Variants in KCNJ6 observed in about 807,000 individuals in gnomAD.
The protein encoded by KCNJ6 is potassium inwardly rectifying channel subfamily J member 6, also known as G protein-activated inward rectifier potassium channel 2.
A neutral mutation model predicts 34.2 loss-of-function variants in KCNJ6; 9 were observed. That is an observed-to-expected ratio of 0.26 (90% CI 0.16 to 0.46). The LOEUF is 0.46. Among genes scored for constraint, KCNJ6 ranks in the 20% least tolerant of loss-of-function variants. The probability of loss-of-function intolerance (pLI) is 1.00; values close to 1 mark genes in which losing one functional copy is unlikely to be tolerated. For synonymous variants in KCNJ6, 196 were observed against 207.1 expected (o/e 0.95, Z 0.46); for missense variants, 236 against 531.3 (o/e 0.44, Z 5.46).
At chr21:37,736,520 T>A (rs776647301) in intron 2 of KCNJ6, among the ~76,000 whole-genome samples, 42 of 152,260 alleles carry the variant, frequency 2.8e-4, no homozygotes, top group Middle Eastern at 3.4e-3. Flanking sequence ...AGAAGTTGCT[T>A]TTGATGGTAA....
At chr21:37,773,591 T>C (rs1242244922) in intron 2 of KCNJ6, among the ~76,000 whole-genome samples, 2 of 152,094 alleles carry the variant, frequency 1.3e-5, no homozygotes, top group Admixed American at 1.3e-4. Context: ...GATGGAATTG[T>C]CGACTTCTGT....
intron 3 of KCNJ6, among the ~76,000 whole-genome samples, chr21:37,664,095 AAAG>A (rs2054502739): frequency 6.6e-6 from 1 of 152,248 alleles, no homozygotes; most frequent in Non-Finnish European, 1.5e-5. Context: ...GAAATAAAAT[AAAG>A]TTGAATCTAA....
chr21:37,816,631 G>T (rs150559474), intron 2 of KCNJ6, among the ~76,000 whole-genome samples: 1 of 152,188 alleles, frequency 6.6e-6, no homozygotes, highest in African/African-American at 2.4e-5. Flanking sequence ...GGCGATTGGC[G>T]GAGGGGGCAC....
intron 3 of KCNJ6, among the ~76,000 whole-genome samples, chr21:37,707,910 C>A (rs889508526): frequency 1.3e-5 from 2 of 151,944 alleles, no homozygotes; most frequent in Admixed American, 1.3e-4. Flanking sequence ...ATTTGACGTT[C>A]ATCTCCTAAT....
intron 1 of KCNJ6, among the ~76,000 whole-genome samples, chr21:37,873,880 C>T (rs1257189866): frequency 1.3e-5 from 2 of 152,100 alleles, no homozygotes; most frequent in Admixed American, 1.3e-4. Context: ...GACAGCATTG[C>T]TCAGCATTTA....
In KCNJ6 at chr21:37,610,135, T is replaced by G. The variant is rs867525785; in HGVS notation, c.*15024A>C. On this transcript the variant is annotated 3_prime_UTR_variant, in exon 4 of 4. Transcript: ENST00000609713. ...GATGAAAACAGCTGAGACTTAAAGC[T>G]GAACCATCTGGGGTCATTTAGTGTA... 3 of 152,186 alleles carry G rather than the reference T, an allele frequency of 2.0e-5. No individual in the cohort carries two copies. The highest frequency in any genetic ancestry group is 1.3e-4 in the Admixed American group (2 of 15,276). 9.4% of individuals were successfully genotyped at this position (152,186 alleles called of 1,614,324 possible).
intron 1 of KCNJ6, among the ~76,000 whole-genome samples, chr21:37,853,482 T>A (rs1278689707): frequency 2.6e-5 from 4 of 152,050 alleles, no homozygotes; most frequent in Non-Finnish European, 5.9e-5. Flanking sequence ...CATTTTCAGA[T>A]GAAAGAAAAC....
At chr21:37,760,730 C>T (rs549148866) in intron 2 of KCNJ6, among the ~76,000 whole-genome samples, 23 of 152,322 alleles carry the variant, frequency 1.5e-4, no homozygotes, top group Non-Finnish European at 2.5e-4. Context: ...GAAAATGCCT[C>T]TCAGATGTGG....
intron 2 of KCNJ6, among the ~76,000 whole-genome samples, chr21:37,794,460 C>G (rs980510106): frequency 3.3e-5 from 5 of 152,168 alleles, no homozygotes; most frequent in African/African-American, 4.8e-5. Flanking sequence ...ATATGAAGTG[C>G]TTAAACCAAA....
chr21:37,808,473 T>C (rs2055304685), intron 2 of KCNJ6, among the ~76,000 whole-genome samples: 2 of 152,218 alleles, frequency 1.3e-5, no homozygotes, highest in Non-Finnish European at 2.9e-5. Context: ...TGCACAAAGA[T>C]ACATGAATCA....
intron 2 of KCNJ6, among the ~76,000 whole-genome samples, chr21:37,827,759 A>G (rs979364664): frequency 6.6e-6 from 1 of 152,140 alleles, no homozygotes; most frequent in Non-Finnish European, 1.5e-5. Flanking sequence ...TGAATATATT[A>G]TCTCTCTCTC....
chr21:37,620,964 G>A lies in KCNJ6; in HGVS notation c.*4195C>T, dbSNP rs1035250872. On this transcript the variant is annotated 3_prime_UTR_variant, in exon 4 of 4. Coordinates refer to ENST00000609713, the MANE Select transcript of KCNJ6 (RefSeq NM_002240.5). Reference sequence around the variant, plus strand: ...GTGCTTTACTCAATTTTAAATTAAAGGCTAACATTTTCTTAGATACCGGTT... The same window carrying A: ...GTGCTTTACTCAATTTTAAATTAAAAGCTAACATTTTCTTAGATACCGGTT... The A allele has an allele frequency of 6.6e-6, 1 of 152,132 alleles. No homozygotes were observed. Among genetic ancestry groups the A allele is most frequent in the African/African-American group, 2.4e-5 (1 of 41,422 alleles). The allele number at this position is 152,132 out of a possible 1,614,324, so 9.4% of individuals were successfully genotyped here. A position where few individuals can be genotyped will look rare whatever the true frequency, so the allele number is the denominator to read the frequency against.
intron 3 of KCNJ6, among the ~76,000 whole-genome samples, chr21:37,703,516 G>A (rs1284433232): frequency 6.6e-6 from 1 of 152,148 alleles, no homozygotes; most frequent in Non-Finnish European, 1.5e-5. Flanking sequence ...TCAAGAGTTT[G>A]GTGGGTTGGA....
Position 37,617,136 on chromosome 21 carries a change from T to TTCC in KCNJ6, c.*8022_*8023insGGA, listed in dbSNP as rs2054274385. ...TCCTTCTTCCTTCCTTCCTTCTTTC[T>TTCC]TTCCTTCCTTCCTTCCTTCTTTCTT... On this transcript the variant is annotated 3_prime_UTR_variant, in exon 4 of 4. Coordinates refer to ENST00000609713, the MANE Select transcript of KCNJ6 (RefSeq NM_002240.5). The TTCC allele has an allele frequency of 8.0e-6, 1 of 125,636 alleles. No homozygotes were observed. Among genetic ancestry groups the TTCC allele is most frequent in the Admixed American group, 8.7e-5 (1 of 11,524 alleles). 7.8% of individuals were successfully genotyped at this position (125,636 alleles called of 1,614,324 possible). A position where few individuals can be genotyped will look rare whatever the true frequency, so the allele number is the denominator to read the frequency against.
intron 2 of KCNJ6, among the ~76,000 whole-genome samples, chr21:37,727,487 G>T (rs963592380): frequency 6.6e-6 from 1 of 152,124 alleles, no homozygotes; most frequent in Non-Finnish European, 1.5e-5. Flanking sequence ...ATGGATGTGT[G>T]TGCATGTGTG....
At chr21:37,731,117 G>A (rs4465857) in intron 2 of KCNJ6, among the ~76,000 whole-genome samples, 33 of 151,806 alleles carry the variant, frequency 2.2e-4, no homozygotes, top group East Asian at 2.1e-3. Flanking sequence ...GTGTGTGTGT[G>A]TGTGTGTGTG....
At chr21:37,788,440 T>C (rs556669859) in intron 2 of KCNJ6, among the ~76,000 whole-genome samples, 3 of 152,320 alleles carry the variant, frequency 2.0e-5, no homozygotes, top group Middle Eastern at 6.8e-3. Flanking sequence ...ATACTTCCTA[T>C]AATTTGACCA....
At chr21:37,831,864 T>C (rs549310954) in intron 2 of KCNJ6, among the ~76,000 whole-genome samples, 1 of 151,996 alleles carries the variant, frequency 6.6e-6, no homozygotes, top group Non-Finnish European at 1.5e-5. Context: ...CTGCCCACTA[T>C]GGAAGAGGAA....
At chr21:37,634,334 G>A (rs1420123637) in intron 3 of KCNJ6, among the ~76,000 whole-genome samples, 4 of 152,120 alleles carry the variant, frequency 2.6e-5, no homozygotes, top group East Asian at 1.9e-4. Flanking sequence ...CCATGTGAGC[G>A]TCATGCACCT....
Sources: allele counts gnomAD v4.1 joint callset (sites outside exome capture counted in the v4.1 genomes callset), GRCh38; gene constraint gnomAD v4.1.1; transcripts MANE v1.5; gene names NCBI Gene and HGNC (gene_info 2026-07-23, HGNC 2026-07-21).